Variants in CNTN1 observed in about 807,000 individuals in gnomAD.
CNTN1 encodes the protein contactin-1.
Under a neutral mutation model 126.4 loss-of-function variants are expected in CNTN1, and 38 were observed. The observed-to-expected ratio is 0.30, with a 90% CI of 0.23 to 0.39. The LOEUF is 0.39. Ranked by LOEUF, CNTN1 falls within the 10% of genes least tolerant of loss-of-function variation. CNTN1 has a pLI of 1.00. For synonymous variants in CNTN1, 413 were observed against 422.6 expected (o/e 0.98, Z 0.28); for missense variants, 1,009 against 1,248.4 (o/e 0.81, Z 2.89).
intron 1 of CNTN1, among the ~76,000 whole-genome samples, chr12:40,745,725 A>AT (rs1461518650): frequency 1.1e-4 from 16 of 152,264 alleles, no homozygotes; most frequent in African/African-American, 3.6e-4. Flanking sequence ...AGAATGTAGT[A>AT]TTTTCCCCAC....
chr12:40,944,189 A>T lies in CNTN1; in HGVS notation c.1683+19A>T. ...TTTTATGGTATGTGTTTTAAGTTTCATCTTATTAACACCCCAGTGATTCCT... is the reference window on the plus strand; with the variant it reads ...TTTTATGGTATGTGTTTTAAGTTTCTTCTTATTAACACCCCAGTGATTCCT... On this transcript the variant is annotated intron_variant, in intron 14 of 23. Transcript: ENST00000551295. The T allele has an allele frequency of 6.3e-7, 1 of 1,592,234 alleles. No homozygotes were observed. Among genetic ancestry groups the T allele is most frequent in the South Asian group, 1.1e-5 (1 of 90,570 alleles).
chr12:40,744,309 A>AC (rs1791043886), intron 1 of CNTN1, among the ~76,000 whole-genome samples: 1 of 146,656 alleles, frequency 6.8e-6, no homozygotes, highest in African/African-American at 2.6e-5. Context: ...TTAAATAAAA[A>AC]AAAAATAAAA....
Position 41,070,376 on chromosome 12 carries a change from T to C in CNTN1, c.*341T>C. 2.7e-6 allele frequency: 1 copy of C among 366,614 alleles called. No individual in the cohort carries two copies. Among genetic ancestry groups the C allele is most frequent in the Non-Finnish European group, 5.2e-6 (1 of 192,428 alleles). 22.7% of individuals were successfully genotyped at this position (366,614 alleles called of 1,614,324 possible). On this transcript the variant is annotated 3_prime_UTR_variant, in exon 24 of 24. Transcript: ENST00000551295. ...TATAGGCTGTAGAGTGAAAGTCAAA[T>C]CACCATATACAGGTGCTTTAAATTT...
At chr12:40,902,323 G>C (rs535526831) in intron 1 of CNTN1, among the ~76,000 whole-genome samples, 73 of 152,298 alleles carry the variant, frequency 4.8e-4, no homozygotes, top group African/African-American at 1.7e-3. Flanking sequence ...AAGAATTTCA[G>C]ATCGAGTCTG....
intron 1 of CNTN1, among the ~76,000 whole-genome samples, chr12:40,778,470 C>A (rs1212613414): frequency 4.6e-5 from 7 of 151,730 alleles, no homozygotes; most frequent in Admixed American, 4.6e-4. Flanking sequence ...TATTTATGAA[C>A]CCCTGATTTT....
At position 40,848,722 on chromosome 12, in the gene CNTN1, C is replaced by T. The variant is rs532726831; in HGVS notation, c.-76-59635C>T. ...CTGGTTCCTAGCAAAGGTACTTGGT[C>T]TTTAGGTCTTCTCAAAGTTGTAAGT... is the stretch of plus-strand genomic sequence containing the variant. On this transcript the variant is annotated intron_variant, in intron 1 of 23. Coordinates refer to ENST00000551295, the MANE Select transcript of CNTN1 (RefSeq NM_001843.4). Among the ~76,000 whole-genome samples the T allele has an allele frequency of 2.0e-5, 3 of 151,088 alleles. No individual in the cohort carries two copies. The South Asian group carries it at 6.3e-4, about 32-fold the overall frequency.
intron 23 of CNTN1, among the ~76,000 whole-genome samples, chr12:41,044,908 A>G (rs2120982202): frequency 6.6e-6 from 1 of 152,246 alleles, no homozygotes; most frequent in East Asian, 1.9e-4. Context: ...ACCTGTAAGT[A>G]TAACACCAAG....
At chr12:40,792,301 A>G (rs1170329438) in intron 1 of CNTN1, among the ~76,000 whole-genome samples, 1 of 152,088 alleles carries the variant, frequency 6.6e-6, no homozygotes, top group Non-Finnish European at 1.5e-5. Context: ...ACACATGTTG[A>G]CAGTGGTAAA....
At chr12:41,048,400 G>C (rs781202280) in intron 23 of CNTN1, among the ~76,000 whole-genome samples, 9 of 151,850 alleles carry the variant, frequency 5.9e-5, no homozygotes, top group Non-Finnish European at 1.2e-4. Flanking sequence ...CTATTTCTCT[G>C]AGAAATAAAA....
chr12:40,878,706 A>G (rs1253843920), intron 1 of CNTN1, among the ~76,000 whole-genome samples: 1 of 152,208 alleles, frequency 6.6e-6, no homozygotes, highest in Non-Finnish European at 1.5e-5. Context: ...TTTGTAATTC[A>G]ATAGCTATCG....
At chr12:40,892,986 A>T (rs1944295504) in intron 1 of CNTN1, among the ~76,000 whole-genome samples, 1 of 151,652 alleles carries the variant, frequency 6.6e-6, no homozygotes, top group Non-Finnish European at 1.5e-5. Flanking sequence ...TACATGATTG[A>T]GTTGAAAACA....
At chr12:40,812,893 G>A (rs1941116976) in intron 1 of CNTN1, among the ~76,000 whole-genome samples, 1 of 148,232 alleles carries the variant, frequency 6.7e-6, no homozygotes, top group Non-Finnish European at 1.5e-5. Context: ...TAATCCATTT[G>A]CATTCAAGGT....
intron 20 of CNTN1, among the ~76,000 whole-genome samples, chr12:41,024,906 A>T (rs758498098): frequency 4.6e-5 from 7 of 151,988 alleles, no homozygotes; most frequent in Non-Finnish European, 1.0e-4. Flanking sequence ...TATTTTTTTT[A>T]GTCAATGTAA....
At chr12:40,967,811 T>C (rs1947361925) in intron 15 of CNTN1, among the ~76,000 whole-genome samples, 1 of 151,796 alleles carries the variant, frequency 6.6e-6, no homozygotes, top group Non-Finnish European at 1.5e-5. Context: ...AATACTACAT[T>C]TTTCCAACTC....
rs12302473 is a variant in CNTN1, at chr12:41,007,355, C to T, written c.2114-6873C>T. Among the ~76,000 whole-genome samples, 1,045 of 152,062 alleles carry T rather than the reference C, an allele frequency of 6.9e-3. 15 individuals are homozygous for T. Among genetic ancestry groups the T allele is most frequent in the African/African-American group, 0.022 (926 of 41,482 alleles). The stretch of plus-strand genomic sequence containing the variant: ...GATTACAGGCGTGAGCCACCGCGCC[C>T]GGCCAGTTTTGTGTGTTTTTAAAGA... On this transcript the variant is annotated intron_variant, in intron 17 of 23. Coordinates refer to ENST00000551295, the MANE Select transcript of CNTN1 (RefSeq NM_001843.4).
Position 40,951,938 on chromosome 12 carries a change from G to T in CNTN1, c.1684-7176G>T, listed in dbSNP as rs114315185. ...TAGTGGACAGAGAGAAGTAAATATA[G>T]AGCTAGTTAGCTAGACAATTAGATA... is the stretch of plus-strand genomic sequence containing the variant. On this transcript the variant is annotated intron_variant, in intron 14 of 23. Transcript: ENST00000551295. Among the ~76,000 whole-genome samples, 995 of 152,020 alleles carry T rather than the reference G, an allele frequency of 6.5e-3. 10 individuals are homozygous for T. Among genetic ancestry groups the T allele is most frequent in the African/African-American group, 0.023 (937 of 41,460 alleles).
intron 1 of CNTN1, among the ~76,000 whole-genome samples, chr12:40,779,397 A>T (rs1286519308): frequency 4.1e-4 from 63 of 151,978 alleles, no homozygotes; most frequent in Non-Finnish European, 5.9e-5. Context: ...TCTACCAAGG[A>T]CACTTATAAT....
intron 1 of CNTN1, among the ~76,000 whole-genome samples, chr12:40,886,196 A>G (rs986484014): frequency 1.3e-5 from 2 of 152,010 alleles, no homozygotes; most frequent in Non-Finnish European, 2.9e-5. Context: ...TTCATTTTGA[A>G]CTATATTTGC....
intron 1 of CNTN1, among the ~76,000 whole-genome samples, chr12:40,879,449 G>C (rs993002932): frequency 6.6e-6 from 1 of 152,086 alleles, no homozygotes; most frequent in African/African-American, 2.4e-5. Flanking sequence ...ATTCCCCAAA[G>C]AGAAATAAAT....
Sources: allele counts gnomAD v4.1 joint callset (sites outside exome capture counted in the v4.1 genomes callset), GRCh38; gene constraint gnomAD v4.1.1; transcripts MANE v1.5; gene names NCBI Gene and HGNC (gene_info 2026-07-23, HGNC 2026-07-21).